HIVEP3: variants seen among roughly 807,000 people sequenced by gnomAD.
HIVEP3 encodes the protein HIVEP zinc finger 3.
HIVEP3 carries 49 observed loss-of-function variants against 152.8 expected under a neutral mutation model. The ratio of observed to expected loss-of-function variants is 0.32; its 90% confidence interval spans 0.26 to 0.41. The LOEUF (loss-of-function observed/expected upper bound fraction) is 0.41, where lower values mean the gene tolerates loss of function less well. Among genes scored for constraint, HIVEP3 ranks in the 10% least tolerant of loss-of-function variants. The pLI is 1.00. For missense variants in HIVEP3, 2,790 were observed against 3,103.3 expected, an observed-to-expected ratio of 0.90 and a Z score of 2.40; for synonymous variants, 1,269 against 1,289.0, an observed-to-expected ratio of 0.98 and a Z score of 0.33.
At chr1:41,669,156 C>T (rs1448471839) in intron 2 of HIVEP3, among the ~76,000 whole-genome samples, 1 of 152,178 alleles carries the variant, frequency 6.6e-6, no homozygotes, top group East Asian at 1.9e-4. Context: ...TGAACTCTGA[C>T]TGGATTAGAA....
At chr1:41,975,788 G>A (rs897480267) in intron 1 of HIVEP3, among the ~76,000 whole-genome samples, 4 of 152,180 alleles carry the variant, frequency 2.6e-5, no homozygotes, top group African/African-American at 9.6e-5. Flanking sequence ...CAGAATCCTG[G>A]TGCTACTTAC....
chr1:41,844,132 C>G (rs959336039), intron 1 of HIVEP3, among the ~76,000 whole-genome samples: 9 of 152,108 alleles, frequency 5.9e-5, no homozygotes, highest in Non-Finnish European at 1.2e-4. Flanking sequence ...GGGGAGGGAG[C>G]CTCTGACACC....
At chr1:41,607,066 C>A (rs1220707738) in intron 3 of HIVEP3, among the ~76,000 whole-genome samples, 1 of 152,096 alleles carries the variant, frequency 6.6e-6, no homozygotes, top group Non-Finnish European at 1.5e-5. Flanking sequence ...TTAGGCAATC[C>A]TCCCACCTCA....
At chr1:41,871,866 T>C (rs1015507335) in intron 1 of HIVEP3, among the ~76,000 whole-genome samples, 6 of 152,220 alleles carry the variant, frequency 3.9e-5, no homozygotes, top group African/African-American at 7.2e-5. Context: ...CTTGGCCACA[T>C]TGATGAGCCC....
intron 2 of HIVEP3, among the ~76,000 whole-genome samples, chr1:41,661,865 T>C (rs1036544026): frequency 6.6e-6 from 1 of 152,178 alleles, no homozygotes; most frequent in Admixed American, 6.5e-5. Context: ...AACGCTTGTG[T>C]CGCCCTAGGG....
In HIVEP3 at chr1:41,760,035, T is replaced by C. The variant is rs771130055; in HGVS notation, c.-800-59040A>G. On this transcript the variant is annotated intron_variant, in intron 1 of 8. Transcript: ENST00000372583. ...TAAAATGGGGTGAATAAGCTGGGCA[T>C]AGTGGTGCAAGCCTGTGGTTCTAGC... Among the ~76,000 whole-genome samples the C allele has an allele frequency of 5.9e-5, 9 of 152,146 alleles. No individual in the cohort carries two copies. The South Asian group carries it at 1.4e-3, about 24-fold the overall frequency.
intron 1 of HIVEP3, among the ~76,000 whole-genome samples, chr1:41,843,595 AAAC>A (rs1293315226): frequency 6.6e-6 from 1 of 152,144 alleles, no homozygotes; most frequent in African/African-American, 2.4e-5. Context: ...GAAAAAAAAA[AAAC>A]AGAGGAAATG....
chr1:41,678,007 G>C (rs1645982431), intron 2 of HIVEP3, among the ~76,000 whole-genome samples: 1 of 152,226 alleles, frequency 6.6e-6, no homozygotes, highest in African/African-American at 2.4e-5. Flanking sequence ...ATGCCTCTCT[G>C]TGCTGGGCTG....
chr1:41,737,407 G>A (rs986700976), intron 1 of HIVEP3, among the ~76,000 whole-genome samples: 2 of 152,140 alleles, frequency 1.3e-5, no homozygotes, highest in African/African-American at 2.4e-5. Flanking sequence ...TCATATCTGA[G>A]ATGAGACCTC....
intron 2 of HIVEP3, among the ~76,000 whole-genome samples, chr1:41,663,293 A>T (rs749820492): frequency 2.0e-5 from 3 of 152,192 alleles, no homozygotes; most frequent in Non-Finnish European, 4.4e-5. Context: ...CAGCCTCAGG[A>T]GGAGACAATG....
chr1:41,926,406 A>G (rs1644968460), intron 1 of HIVEP3, among the ~76,000 whole-genome samples: 1 of 152,164 alleles, frequency 6.6e-6, no homozygotes, highest in South Asian at 2.1e-4. Flanking sequence ...CTGTCACTCA[A>G]ACTAGCTTCT....
chr1:41,918,976 C>A (rs1316510681), upstream of HIVEP3, among the ~76,000 whole-genome samples: 2 of 152,168 alleles, frequency 1.3e-5, no homozygotes, highest in Non-Finnish European at 2.9e-5. The surrounding 1 kb of genome is among the most constrained non-coding windows in gnomAD (Gnocchi z 4.3). Context: ...ATTATCACTT[C>A]GGAATAGCTG....
At chr1:41,960,798 G>A (rs114475471) in intron 1 of HIVEP3, among the ~76,000 whole-genome samples, 1,645 of 152,232 alleles carry the variant, frequency 0.011, 31 homozygotes, top group African/African-American at 0.038. Context: ...TTGAGGTAAT[G>A]TTTAGCCAAT....
At chr1:41,672,971 T>C (rs1645900046) in intron 2 of HIVEP3, among the ~76,000 whole-genome samples, 1 of 152,224 alleles carries the variant, frequency 6.6e-6, no homozygotes, top group Non-Finnish European at 1.5e-5. Context: ...GTTTTAAAAA[T>C]TAGAAGGAAA....
chr1:41,723,289 A>G (rs1403101077), intron 1 of HIVEP3, among the ~76,000 whole-genome samples: 1 of 151,970 alleles, frequency 6.6e-6, no homozygotes, highest in Non-Finnish European at 1.5e-5. Flanking sequence ...ATGAGCCCTG[A>G]GTTTGGGTCA....
At chr1:41,854,102 C>T (rs1477863035) in intron 1 of HIVEP3, among the ~76,000 whole-genome samples, 3 of 152,054 alleles carry the variant, frequency 2.0e-5, no homozygotes, top group African/African-American at 4.8e-5. Context: ...GGAGGCAGAT[C>T]GGCTTTCTCT....
At chr1:41,929,061 A>T (rs1475484906) in intron 1 of HIVEP3, among the ~76,000 whole-genome samples, 1 of 152,158 alleles carries the variant, frequency 6.6e-6, no homozygotes, top group African/African-American at 2.4e-5. Context: ...GAGACTATGC[A>T]CACACCATGT....
chr1:42,019,635 T>C (rs763122599), intron 1 of HIVEP3, among the ~76,000 whole-genome samples: 2 of 152,022 alleles, frequency 1.3e-5, no homozygotes, highest in African/African-American at 2.4e-5. Flanking sequence ...AGTTTATCTA[T>C]AGATTCTTTT....
intron 1 of HIVEP3, among the ~76,000 whole-genome samples, chr1:41,955,686 C>G (rs948357299): frequency 6.6e-6 from 1 of 152,156 alleles, no homozygotes; most frequent in African/African-American, 2.4e-5. Context: ...CCTTTTTGTT[C>G]TCTCATTTTT....
Sources: allele counts gnomAD v4.1 joint callset (sites outside exome capture counted in the v4.1 genomes callset), GRCh38; gene constraint gnomAD v4.1.1; non-coding constraint Gnocchi (gnomAD v3.1); transcripts MANE v1.5; gene names NCBI Gene and HGNC (gene_info 2026-07-23, HGNC 2026-07-21).